The following ABCA12 variants were observed in gnomAD, a reference collection of about 807,000 sequenced individuals.
The protein encoded by ABCA12 is ATP binding cassette subfamily A member 12.
ABCA12 carries 156 observed loss-of-function variants against 293.5 expected under a neutral mutation model. The observed-to-expected ratio is 0.53, with a 90% CI of 0.47 to 0.61. ABCA12 has a LOEUF of 0.61. Ranked by LOEUF, ABCA12 falls within the 20% of genes least tolerant of loss-of-function variation. The pLI, the probability that ABCA12 is intolerant of heterozygous loss-of-function variation, is 0.00. For missense variants in ABCA12, 2,797 were observed against 3,090.2 expected (o/e 0.91, Z 2.25); for synonymous variants, 1,063 against 1,108.0 (o/e 0.96, Z 0.81).
chr2:215,083,609 G>A (rs529091209), intron 2 of ABCA12, among the ~76,000 whole-genome samples: 1 of 152,240 alleles, frequency 6.6e-6, no homozygotes, highest in South Asian at 2.1e-4. Flanking sequence ...AATGTAAGAC[G>A]GATTTTCATT....
At chr2:215,090,947 A>G (rs1423597672) in intron 2 of ABCA12, among the ~76,000 whole-genome samples, 2 of 152,112 alleles carry the variant, frequency 1.3e-5, no homozygotes, top group East Asian at 1.9e-4. Context: ...CTTGGCCCCA[A>G]TACAAACTCG....
chr2:215,044,199 C>G (rs531340494), intron 7 of ABCA12, among the ~76,000 whole-genome samples: 1 of 152,078 alleles, frequency 6.6e-6, no homozygotes, highest in Non-Finnish European at 1.5e-5. Context: ...CAGCCTCATA[C>G]GGATCTACTG....
chr2:214,980,891 G>C (rs187546670), intron 30 of ABCA12, among the ~76,000 whole-genome samples: 30 of 152,200 alleles, frequency 2.0e-4, no homozygotes, highest in Non-Finnish European at 3.7e-4. Flanking sequence ...TTGAGGTCAG[G>C]AGTTCGAAAC....
chr2:215,070,479 A>T (rs772210800), intron 2 of ABCA12, among the ~76,000 whole-genome samples: 90 of 151,514 alleles, frequency 5.9e-4, no homozygotes, highest in African/African-American at 2.1e-3. Context: ...TGCTGCACCC[A>T]TTAACTCGTC....
intron 28 of ABCA12, 75 bp downstream of exon 28, chr2:214,986,467 G>A: frequency 7.5e-7 from 1 of 1,338,778 alleles, no homozygotes; most frequent in Non-Finnish European, 1.1e-6. Flanking sequence ...ATAAACATAG[G>A]TTAGTTTATT....
chr2:214,987,885 G>A, intron 26 of ABCA12, 92 bp from the exon 27 acceptor site: 1 of 1,494,132 alleles, frequency 6.7e-7, no homozygotes, highest in South Asian at 1.2e-5. Context: ...GTATGGTTTA[G>A]GAAGTAGTTT....
chr2:214,938,152 G>A (rs1252016338), intron 50 of ABCA12, among the ~76,000 whole-genome samples: 2 of 143,932 alleles, frequency 1.4e-5, no homozygotes, highest in Non-Finnish European at 3.0e-5. Context: ...TTCCCTCCCT[G>A]TGTCCATGTA....
chr2:215,024,776 C>T (rs1700702806), intron 11 of ABCA12, among the ~76,000 whole-genome samples: 1 of 152,024 alleles, frequency 6.6e-6, no homozygotes, highest in Non-Finnish European at 1.5e-5. Flanking sequence ...CTATGTAAAT[C>T]CAATTAAATA....
rs1700344182 is a variant in ABCA12, at chr2:215,010,342, T to C, written c.2461A>G (p.Ile821Val). Residue 821 changes from isoleucine (I) to valine (V), a missense_variant, in exon 18 of 53, where the codon ATA becomes GTA. Coordinates refer to ENST00000272895, the MANE Select transcript of ABCA12 (RefSeq NM_173076.3). ...YAPYNPVTKA[I>V]MEKSNVTLRQ... is the part of the protein sequence containing the mutation. ...TATAATGGTCAAACCTTTTCCATTA[T>C]TGCCTTTGTGACTGGGTTATATGGT... 2.5e-6 allele frequency: 4 copies of C among 1,613,758 alleles called. No individual in the cohort carries two copies. The highest frequency in any genetic ancestry group is 1.7e-4 in the Middle Eastern group (1 of 6,060).
intron 36 of ABCA12, 76 bp downstream of exon 36, chr2:214,973,872 AC>A: frequency 8.1e-7 from 1 of 1,241,838 alleles, no homozygotes; most frequent in Non-Finnish European, 1.2e-6. Context: ...TTCTTTGGTA[AC>A]CTAGAGAGAT....
Position 214,997,762 on chromosome 2 carries a change from G to A in ABCA12, c.3227C>T (p.Ala1076Val), listed in dbSNP as rs1170486427. 4.3e-6 allele frequency: 7 copies of A among 1,613,320 alleles called. No homozygotes were observed. Among genetic ancestry groups the A allele is most frequent in the South Asian group, 2.2e-5 (2 of 91,052 alleles). ...SYSLPIVLMV[A>V]WVVFIAAFVK... is the part of the protein sequence containing the mutation. ...AAAGGCAGCTATAAATACAACCCAG[G>A]CAACCATAAGCACAATTGGAAGAGA... Residue 1076 changes from alanine to valine, a missense_variant, in exon 23 of 53, where the codon GCC (alanine) becomes GTC (valine). By Grantham distance (64) the Ala-to-Val change is moderately conservative. Coordinates refer to ENST00000272895, the MANE Select transcript of ABCA12 (RefSeq NM_173076.3).
intron 2 of ABCA12, among the ~76,000 whole-genome samples, chr2:215,106,577 T>C (rs1252261056): frequency 6.6e-6 from 1 of 152,178 alleles, no homozygotes; most frequent in Non-Finnish European, 1.5e-5. Flanking sequence ...AATTTTCTCA[T>C]CTTTAAAATA....
intron 33 of ABCA12, among the ~76,000 whole-genome samples, chr2:214,976,586 AATCCTCTCTTC>A (rs1347206337): frequency 6.6e-6 from 1 of 152,196 alleles, no homozygotes; most frequent in Non-Finnish European, 1.5e-5. Flanking sequence ...GGAAAAGGGA[AATCCTCTCTTC>A]CAGAGTACAA....
chr2:215,059,302 C>T (rs1281876618), intron 3 of ABCA12, among the ~76,000 whole-genome samples: 6 of 152,130 alleles, frequency 3.9e-5, no homozygotes, highest in Admixed American at 6.6e-5. Context: ...GGTCTTGAGG[C>T]CCCCTCAGTG....
intron 2 of ABCA12, among the ~76,000 whole-genome samples, chr2:215,095,970 T>TA (rs1487730643): frequency 6.6e-6 from 1 of 152,188 alleles, no homozygotes; most frequent in African/African-American, 2.4e-5. Flanking sequence ...CCCAGGTGAT[T>TA]AAAAGCTTTA....
chr2:214,993,219 C>T (rs1699962331), intron 23 of ABCA12, among the ~76,000 whole-genome samples: 1 of 152,162 alleles, frequency 6.6e-6, no homozygotes, highest in Non-Finnish European at 1.5e-5. Context: ...TTCTTCTCTC[C>T]CTAATGTTTT....
At chr2:215,037,168 A>G in intron 7 of ABCA12, 103 bp from the exon 8 acceptor site, 1 of 867,926 alleles carries the variant, frequency 1.2e-6, no homozygotes, top group Non-Finnish European at 1.9e-6. Flanking sequence ...AATTATTCTT[A>G]TAATATAAAA....
rs140742656 is a variant in ABCA12, at chr2:214,982,233, T to C, written c.4533A>G (p.Pro1511=). ...CATCCCATATACTTCGGCGAGAACA[T>C]GGGTCAACTCCAGTAGATGGTTCAT... is the stretch of plus-strand genomic sequence containing the variant. ...ILDEPSTGVD[P]CSRRSIWDVI... The change falls in exon 30 of 53, where the codon CCA becomes CCG. Residue 1511 remains proline (P), a synonymous_variant. Coordinates refer to ENST00000272895, the MANE Select transcript of ABCA12 (RefSeq NM_173076.3). 129 of 1,613,906 alleles carry C rather than the reference T, an allele frequency of 8.0e-5. No individual in the cohort carries two copies. The highest frequency in any genetic ancestry group is 3.3e-4 in the Middle Eastern group (2 of 6,084).
intron 11 of ABCA12, among the ~76,000 whole-genome samples, chr2:215,020,347 G>A (rs575124622): frequency 6.0e-5 from 9 of 150,554 alleles, no homozygotes; most frequent in Admixed American, 1.3e-4. Context: ...AAAAAGGAAA[G>A]AAATTCTGAC....
Sources: allele counts gnomAD v4.1 joint callset (sites outside exome capture counted in the v4.1 genomes callset), GRCh38; gene constraint gnomAD v4.1.1; transcripts MANE v1.5; gene names NCBI Gene and HGNC (gene_info 2026-07-23, HGNC 2026-07-21).